FLRT1: variants seen among roughly 807,000 people sequenced by gnomAD.
The protein encoded by FLRT1 is fibronectin leucine rich transmembrane protein 1.
FLRT1 carries 14 observed loss-of-function variants against 30.9 expected under a neutral mutation model. The observed-to-expected ratio is 0.45, with a 90% confidence interval of 0.30 to 0.71. The LOEUF is 0.71. FLRT1 is among the 30% of genes least tolerant of loss of function. The pLI, the probability that FLRT1 is intolerant of heterozygous loss-of-function variation, is 0.08. For missense variants in FLRT1, 737 were observed against 949.2 expected (o/e 0.78, Z 2.94); for synonymous variants, 368 against 430.4 (o/e 0.85, Z 1.80).
chr11:64,066,124 C>G (rs1221355254), intron 1 of FLRT1, among the ~76,000 whole-genome samples: 1 of 151,814 alleles, frequency 6.6e-6, no homozygotes, highest in Non-Finnish European at 1.5e-5. Flanking sequence ...TGGTGAAACC[C>G]TGTCTCTACT....
At chr11:64,073,494 TGGAA>T (rs1944145388) in intron 1 of FLRT1, among the ~76,000 whole-genome samples, 1 of 152,124 alleles carries the variant, frequency 6.6e-6, no homozygotes, top group Admixed American at 6.5e-5. Context: ...TGGAGGTTGG[TGGAA>T]GGATTAGCTG....
At chr11:64,083,530 C>A in intron 1 of FLRT1, among the ~76,000 whole-genome samples, 1 of 152,200 alleles carries the variant, frequency 6.6e-6, no homozygotes, top group South Asian at 2.1e-4. Flanking sequence ...ATCCCGTCTC[C>A]CTCCCTCCTC....
chr11:64,095,852 C>A (rs542624652), intron 1 of FLRT1, among the ~76,000 whole-genome samples: 1 of 152,064 alleles, frequency 6.6e-6, no homozygotes, highest in African/African-American at 2.4e-5. Context: ...TGGAGGAGCG[C>A]GAGGCTGAGG....
At chr11:64,052,056 A>G (rs1943705803) in intron 1 of FLRT1, among the ~76,000 whole-genome samples, 1 of 151,386 alleles carries the variant, frequency 6.6e-6, no homozygotes. Flanking sequence ...GCATTTTGGG[A>G]AGGAGGAAGG....
In FLRT1 at chr11:64,117,570, G is replaced by T. The variant is rs763957341; in HGVS notation, c.1303G>T (p.Gly435Cys). 1.9e-6 allele frequency: 3 copies of T among 1,608,182 alleles called. No homozygotes were observed. The East Asian group carries it at 6.7e-5, about 36-fold the overall frequency. ...TGACTACCCCATGGCCACGGGTGATGGCGCCAAGACCCTGGCCATCCACGT... is the reference window on the plus strand; with the variant it reads ...TGACTACCCCATGGCCACGGGTGATTGCGCCAAGACCCTGGCCATCCACGT... ...NIDYPMATGD[G>C]AKTLAIHVKA... The change falls in exon 3 of 3, where the codon GGC becomes TGC. Residue 435 changes from glycine to cysteine, a missense_variant. Gly to Cys is a radical substitution (Grantham distance 159). Transcript: ENST00000682287.
At position 64,067,937 on chromosome 11, in the gene FLRT1, C is replaced by T. The variant is rs532427316; in HGVS notation, c.-1038+31778C>T. 2.0e-5 allele frequency among the ~76,000 whole-genome samples: 3 copies of T among 152,206 alleles called. No individual in the cohort carries two copies. Among genetic ancestry groups the T allele is most frequent in the Non-Finnish European group, 2.9e-5 (2 of 68,014 alleles). On this transcript the variant is annotated intron_variant, in intron 1 of 2. Coordinates refer to ENST00000682287, the MANE Select transcript of FLRT1 (RefSeq NM_013280.5). This position sits in a 1 kb window ranked among gnomAD's most constrained non-coding sequence, Gnocchi z 4.6. ...AGGGGGCTGGCGGTGAACCCATCCC[C>T]GTTACAATGCACTCAGGGACCCTGA...
rs1944017513 is a variant in FLRT1, at chr11:64,067,010, C to T, written c.-1038+30851C>T. Among the ~76,000 whole-genome samples, 6 of 152,236 alleles carry T rather than the reference C, an allele frequency of 3.9e-5. No individual in the cohort carries two copies. The highest frequency in any genetic ancestry group is 3.3e-4 in the Admixed American group (5 of 15,290). On this transcript the variant is annotated intron_variant, in intron 1 of 2. Transcript: ENST00000682287. The surrounding 1 kb of genome is among the most constrained non-coding windows in gnomAD (Gnocchi z 4.6). ...CCCAAGCCTCTGCCCTCACGCTAGG[C>T]AGTCCCTGGGGAGATTGGATGAGGG...
intron 1 of FLRT1, among the ~76,000 whole-genome samples, chr11:64,043,368 G>A (rs1337575186): frequency 2.0e-5 from 3 of 152,196 alleles, no homozygotes; most frequent in African/African-American, 7.2e-5. Context: ...GAAGGCTTGT[G>A]GGGCACTGCT....
At chr11:64,098,845 C>T (rs1944622518) in intron 1 of FLRT1, among the ~76,000 whole-genome samples, 1 of 152,210 alleles carries the variant, frequency 6.6e-6, no homozygotes, top group Admixed American at 6.5e-5. Context: ...AGCCATAAAG[C>T]CCACCTGGGT....
intron 1 of FLRT1, among the ~76,000 whole-genome samples, chr11:64,059,419 T>TC (rs889638613): frequency 2.6e-5 from 4 of 151,914 alleles, no homozygotes; most frequent in Admixed American, 2.0e-4. Context: ...GGAAGAGATG[T>TC]CCCCCCAGGG....
intron 1 of FLRT1, among the ~76,000 whole-genome samples, chr11:64,097,338 C>T (rs1479734319): frequency 1.3e-5 from 2 of 152,248 alleles, no homozygotes; most frequent in Non-Finnish European, 2.9e-5. Context: ...CCCAGGCCAC[C>T]TCTGGCCAGA....
intron 1 of FLRT1, among the ~76,000 whole-genome samples, chr11:64,072,949 T>A (rs1590869972): frequency 6.6e-6 from 1 of 152,142 alleles, no homozygotes; most frequent in South Asian, 2.1e-4. Context: ...AGTGGAACCC[T>A]CTGATCTGTT....
chr11:64,083,396 A>C (rs1345032983), intron 1 of FLRT1, among the ~76,000 whole-genome samples: 1 of 152,172 alleles, frequency 6.6e-6, no homozygotes, highest in Non-Finnish European at 1.5e-5. Flanking sequence ...AGATTGCACC[A>C]CTGCACTCCA....
chr11:64,038,488 G>A (rs1943424902), intron 1 of FLRT1, among the ~76,000 whole-genome samples: 1 of 152,208 alleles, frequency 6.6e-6, no homozygotes, highest in Middle Eastern at 3.2e-3. Flanking sequence ...GGTGTTGAGG[G>A]ACGGAGAGGT....
At chr11:64,110,740 G>C (rs1565237188) in intron 2 of FLRT1, among the ~76,000 whole-genome samples, 1 of 152,200 alleles carries the variant, frequency 6.6e-6, no homozygotes, top group South Asian at 2.1e-4. Context: ...AGGGATCCAC[G>C]CAAGGGCGAC....
intron 1 of FLRT1, among the ~76,000 whole-genome samples, chr11:64,051,539 A>G (rs768849034): frequency 9.9e-5 from 15 of 152,144 alleles, no homozygotes; most frequent in Admixed American, 6.5e-5. Flanking sequence ...TCGGCCGGGC[A>G]GGCTAACAGC....
At position 64,067,892 on chromosome 11, in the gene FLRT1, C is replaced by T. The variant is rs936420093; in HGVS notation, c.-1038+31733C>T. ...TTCCTGCTGCTGTCCATTTAGCCAG[C>T]GGTTCGCTCGGCTTTTAGGAGGGGG... On this transcript the variant is annotated intron_variant, in intron 1 of 2. Transcript: ENST00000682287. The surrounding 1 kb of genome is among the most constrained non-coding windows in gnomAD (Gnocchi z 4.6). 6.6e-6 allele frequency among the ~76,000 whole-genome samples: 1 copy of T among 152,124 alleles called. No individual in the cohort carries two copies. The highest frequency in any genetic ancestry group is 2.4e-5 in the African/African-American group (1 of 41,430).
At chr11:64,100,783 T>C (rs1434466662) in intron 1 of FLRT1, among the ~76,000 whole-genome samples, 1 of 152,066 alleles carries the variant, frequency 6.6e-6, no homozygotes, top group Non-Finnish European at 1.5e-5. Context: ...GCCCCACTTA[T>C]CCAGGGCACA....
chr11:64,111,131 G>C (rs1447321392), intron 2 of FLRT1, among the ~76,000 whole-genome samples: 2 of 152,244 alleles, frequency 1.3e-5, no homozygotes, highest in African/African-American at 4.8e-5. Flanking sequence ...GAGGACTGTG[G>C]CCATGAGCTG....
Sources: allele counts gnomAD v4.1 joint callset (sites outside exome capture counted in the v4.1 genomes callset), GRCh38; gene constraint gnomAD v4.1.1; non-coding constraint Gnocchi (gnomAD v3.1); transcripts MANE v1.5; gene names NCBI Gene and HGNC (gene_info 2026-07-23, HGNC 2026-07-21).